PALB2: variants seen among roughly 807,000 people sequenced by gnomAD.
PALB2 encodes the protein partner and localizer of BRCA2, also known as mutant partner and localizer of BRCA2.
In PALB2, 82 loss-of-function variants were observed where a neutral mutation model predicts 107.4. The ratio of observed to expected loss-of-function variants is 0.76; its 90% CI spans 0.64 to 0.92. The LOEUF (loss-of-function observed/expected upper bound fraction) is 0.92, where lower values mean the gene tolerates loss of function less well. PALB2 is among the 40% of genes least tolerant of loss of function. PALB2 has a pLI of 0.00. For synonymous variants in PALB2, 489 were observed against 496.8 expected, an observed-to-expected ratio of 0.98 and a Z score of 0.21; for missense variants, 1,374 against 1,379.9, an observed-to-expected ratio of 1.00 and a Z score of 0.07.
At chr16:23,615,929 G>A (rs149253140) in intron 10 of PALB2, among the ~76,000 whole-genome samples, 5,088 of 152,254 alleles carry the variant, frequency 0.033, 118 homozygotes, top group Middle Eastern at 0.088. Flanking sequence ...CTCCCAAAGT[G>A]CTGGAATTAC....
chr16:23,637,824 G>A (rs2142454976), intron 3 of PALB2, 26 bp downstream of exon 3: 1 of 1,535,742 alleles, frequency 6.5e-7, no homozygotes. Flanking sequence ...TAATAAAGCA[G>A]GCATAAGTGA....
At chr16:23,626,432 C>T in intron 6 of PALB2, 35 bp from the exon 7 acceptor site, 1 of 1,612,970 alleles carries the variant, frequency 6.2e-7, no homozygotes, top group South Asian at 1.1e-5. Context: ...TAAAGTGGCA[C>T]TCGAGTGCTG....
intron 11 of PALB2, 57 bp downstream of exon 11, chr16:23,613,947 C>T (rs2142297936): frequency 1.5e-6 from 2 of 1,324,224 alleles, no homozygotes; most frequent in Non-Finnish European, 2.2e-6. Flanking sequence ...ACTTACTGCT[C>T]TCACTTAATG....
intron 10 of PALB2, among the ~76,000 whole-genome samples, chr16:23,616,410 A>C (rs1966685463): frequency 6.6e-6 from 1 of 152,192 alleles, no homozygotes; most frequent in South Asian, 2.1e-4. Context: ...GCATATGCAA[A>C]GTTTTCCTCC....
In PALB2 at chr16:23,622,233, G is replaced by C. The variant is rs955521746; in HGVS notation, c.2996+736C>G. Among the ~76,000 whole-genome samples, 5 of 152,232 alleles carry C rather than the reference G, an allele frequency of 3.3e-5. No homozygotes were observed. The East Asian group carries it at 9.7e-4, about 29-fold the overall frequency. ...TGTCCCCAATACGTCTAATAAATAG[G>C]CCTGCAGGTCTAGAGCTCAAGAAAG... On this transcript the variant is annotated intron_variant, in intron 9 of 12. Transcript: ENST00000261584.
rs560511735 is a variant in PALB2 at position 23,623,900 on chromosome 16, A to G, written c.2834+109T>C. On this transcript the variant is annotated intron_variant, in intron 8 of 12. Transcript: ENST00000261584. ...TTTAAACAAATCTCTCTCTCTTTAG[A>G]TCTTTCAGATTCTTTCAAGACTCAA... 6.7e-6 allele frequency: 5 copies of G among 751,242 alleles called. No homozygotes were observed. The East Asian group carries it at 1.1e-4, about 16-fold the overall frequency. The allele number at this position is 751,242 out of a possible 1,614,324, so 46.5% of individuals were successfully genotyped here. A position where few individuals can be genotyped will look rare whatever the true frequency, so the allele number is the denominator to read the frequency against.
rs1555461360 is a variant in PALB2 at position 23,635,261 on chromosome 16, T to G, written c.1285A>C (p.Ile429Leu). The stretch of plus-strand genomic sequence containing the variant: ...TTCTTGACATCCAAATGACTCTGAA[T>G]GACAGCCTCCACGGCTACTTTCCTC... ...CQRKVAVEAVIQSHLDVKKKG... is the reference protein window; with the variant it reads ...CQRKVAVEAVLQSHLDVKKKG... The change falls in exon 4 of 13, where the codon ATT (isoleucine) becomes CTT (leucine). Residue 429 changes from isoleucine to leucine, a missense_variant. Ile to Leu is a conservative substitution (Grantham distance 5, BLOSUM62 2). Transcript: ENST00000261584. 1.9e-6 allele frequency: 3 copies of G among 1,614,214 alleles called. No individual in the cohort carries two copies. Among genetic ancestry groups the G allele is most frequent in the Non-Finnish European group, 2.5e-6 (3 of 1,180,052 alleles).
rs1369875940 is a variant in PALB2 at position 23,630,205 on chromosome 16, TC to T, written c.1948del (p.Glu650ArgfsTer10). The stretch of plus-strand genomic sequence containing the variant: ...TTCCTCTGGAAAAATACAGCTTCCC[TC>T]TTTAAGATGTCTCTCTCCAAACATT... ...SKMFGERHLK[E>X]GSCIFPEELS... On this transcript the variant is annotated frameshift_variant, in exon 5 of 13. Coordinates refer to ENST00000261584, the MANE Select transcript of PALB2 (RefSeq NM_024675.4). LOFTEE classifies it high-confidence loss of function. 21 of 1,614,190 alleles carry T rather than the reference TC, an allele frequency of 1.3e-5. No homozygotes were observed. The highest frequency in any genetic ancestry group is 1.8e-5 in the Non-Finnish European group (21 of 1,180,030).
At position 23,611,078 on chromosome 16, in the gene PALB2, GTCTATCTATCTA is replaced by G. The variant is rs201931763; in HGVS notation, c.3201+2914_3201+2925del. Among the ~76,000 whole-genome samples the G allele has an allele frequency of 2.3e-3, 339 of 148,202 alleles. 1 individual carries two copies. Among genetic ancestry groups the G allele is most frequent in the South Asian group, 9.1e-3 (43 of 4,710 alleles). On this transcript the variant is annotated intron_variant, in intron 11 of 12. Coordinates refer to ENST00000261584, the MANE Select transcript of PALB2 (RefSeq NM_024675.4). ...ATTCTAGAGATGAATTCAACTGTCAGTCTATCTATCTATCTATCTATCTATCTATCTATCTAT... is the reference window on the plus strand; with the variant it reads ...ATTCTAGAGATGAATTCAACTGTCAGTCTATCTATCTATCTATCTATCTAT...
intron 11 of PALB2, 28 bp downstream of exon 11, chr16:23,613,976 A>C: frequency 6.5e-7 from 1 of 1,541,636 alleles, no homozygotes; most frequent in Non-Finnish European, 9.0e-7. Flanking sequence ...AGTAACACAC[A>C]AAGTGGTCCC....
At position 23,621,465 on chromosome 16, in the gene PALB2, G is replaced by T; in HGVS notation, c.3010C>A (p.Gln1004Lys). 1 of 1,612,764 alleles carries T rather than the reference G, an allele frequency of 6.2e-7. No individual in the cohort carries two copies. Among genetic ancestry groups the T allele is most frequent in the Non-Finnish European group, 8.5e-7 (1 of 1,178,904 alleles). ...GTCTCCTCAGGGGGCATCAAAAATT[G>T]GTTTTCTTTGCCTCTGTAATTAAAA... ...FAEDGGGKEN[Q>K]FLMPPEETIL... The change falls in exon 10 of 13, where the codon CAA (glutamine) becomes AAA (lysine). Residue 1004 changes from glutamine (Q) to lysine (K), a missense_variant. Gln to Lys is a moderately conservative substitution (Grantham distance 53). Transcript: ENST00000261584.
At position 23,641,270 on chromosome 16, in the gene PALB2, G is replaced by T; in HGVS notation, c.-113C>A. The T allele has an allele frequency of 7.2e-7, 1 of 1,379,658 alleles. No individual in the cohort carries two copies. The highest frequency in any genetic ancestry group is 1.0e-6 in the Non-Finnish European group (1 of 996,132). The allele number at this position is 1,379,658 out of a possible 1,614,324, so 85.5% of individuals were successfully genotyped here. ...GCCCCAGGAAGGAATGGGGAGCCCG[G>T]GATCGCACCCTCAGTGCGCGATCAG... On this transcript the variant is annotated 5_prime_UTR_variant, in exon 1 of 13. Transcript: ENST00000261584.
intron 1 of PALB2, among the ~76,000 whole-genome samples, chr16:23,638,946 C>T (rs1275293562): frequency 6.6e-6 from 1 of 152,120 alleles, no homozygotes; most frequent in Admixed American, 6.6e-5. Context: ...TTGAGGAACA[C>T]GCAGAAGGCC....
chr16:23,623,068 A>G lies in PALB2; in HGVS notation c.2897T>C (p.Ile966Thr), dbSNP rs587780214. ...EKQVLLKSGNIKAVLGLTKRR... is the reference protein window; with the variant it reads ...EKQVLLKSGNTKAVLGLTKRR... ...CTTTGTCAGGCCAAGCACAGCTTTT[A>G]TATTTCCAGACTTCAGTAGTACTTG... The change falls in exon 9 of 13, where the codon ATA becomes ACA. Residue 966 changes from isoleucine to threonine, a missense_variant. Coordinates refer to ENST00000261584, the MANE Select transcript of PALB2 (RefSeq NM_024675.4). 2.9e-5 allele frequency: 47 copies of G among 1,613,992 alleles called. No individual in the cohort carries two copies. The Middle Eastern group carries it at 4.9e-4, about 17-fold the overall frequency.
intron 9 of PALB2, 147 bp downstream of exon 9, chr16:23,622,822 A>G: frequency 1.1e-6 from 1 of 876,262 alleles, no homozygotes; most frequent in African/African-American, 1.7e-5. Context: ...ACCTGCTTCT[A>G]TGTCATAACC....
In PALB2 at chr16:23,641,084, G is replaced by T. The variant is rs748775669; in HGVS notation, c.48+26C>A. ...TGGGAAAGCGGGGTCAGAGTCCTGCGTCCGCCCTTCCCGCACCCCCGGCAC... is the reference window on the plus strand; with the variant it reads ...TGGGAAAGCGGGGTCAGAGTCCTGCTTCCGCCCTTCCCGCACCCCCGGCAC... On this transcript the variant is annotated intron_variant, in intron 1 of 12. Transcript: ENST00000261584. 6 of 1,611,660 alleles carry T rather than the reference G, an allele frequency of 3.7e-6. No individual in the cohort carries two copies. Among genetic ancestry groups the T allele is most frequent in the Non-Finnish European group, 5.1e-6 (6 of 1,179,016 alleles).
intron 4 of PALB2, among the ~76,000 whole-genome samples, chr16:23,633,725 A>G (rs1966915048): frequency 6.6e-6 from 1 of 151,718 alleles, no homozygotes; most frequent in South Asian, 2.1e-4. Context: ...TTTTTTTGAG[A>G]GAGGGTTTTG....
intron 10 of PALB2, among the ~76,000 whole-genome samples, chr16:23,618,609 G>A (rs1328907944): frequency 2.6e-5 from 4 of 152,128 alleles, no homozygotes; most frequent in South Asian, 4.1e-4. Flanking sequence ...CCAGGCATTC[G>A]AGGTTGCAGT....
intron 3 of PALB2, 101 bp downstream of exon 3, chr16:23,637,749 T>C: frequency 1.2e-6 from 1 of 856,698 alleles, no homozygotes; most frequent in Non-Finnish European, 2.0e-6. Context: ...AAAGCGTCTA[T>C]TGCTAGTCAT....
Sources: gnomAD v4.1 joint callset for allele counts (sites outside exome capture counted in the v4.1 genomes callset) on GRCh38, gnomAD v4.1.1 for gene constraint, MANE v1.5 for transcripts, NCBI Gene and HGNC (gene_info 2026-07-23, HGNC 2026-07-21) for gene names.